Variants in SEC14L2 observed in about 807,000 individuals in gnomAD.
SEC14L2 encodes the protein SEC14-like protein 2.
SEC14L2 carries 50 observed loss-of-function variants against 56.9 expected under a neutral mutation model. That is an observed-to-expected ratio of 0.88 (90% confidence interval 0.70 to 1.11). SEC14L2 has a LOEUF of 1.11. Ranked by LOEUF, SEC14L2 falls within the 50% of genes most tolerant of loss-of-function variation. The probability of loss-of-function intolerance (pLI) is 0.00; values close to 1 mark genes in which losing one functional copy is unlikely to be tolerated. For synonymous variants in SEC14L2, 179 were observed against 188.5 expected, an observed-to-expected ratio of 0.95 and a Z score of 0.41; for missense variants, 414 against 500.7, an observed-to-expected ratio of 0.83 and a Z score of 1.65.
intron 5 of SEC14L2, 104 bp downstream of exon 5, chr22:30,407,707 C>A: frequency 1.0e-6 from 1 of 979,000 alleles, no homozygotes; most frequent in Non-Finnish European, 1.4e-6. Flanking sequence ...AGGGCCAAGG[C>A]CCAGCCTTTT....
Position 30,424,897 on chromosome 22 carries a change from G to A in SEC14L2, c.*2490G>A. On this transcript the variant is annotated 3_prime_UTR_variant, in exon 12 of 12. Coordinates refer to ENST00000615189, the MANE Select transcript of SEC14L2 (RefSeq NM_012429.5). ...TCTCCCTTGCCCGATTCATTCATTCGTTAATTAATTCATCCAACATCCTGT... is the reference window on the plus strand; with the variant it reads ...TCTCCCTTGCCCGATTCATTCATTCATTAATTAATTCATCCAACATCCTGT... 4.5e-6 allele frequency: 2 copies of A among 447,182 alleles called. No individual in the cohort carries two copies. The highest frequency in any genetic ancestry group is 1.6e-5 in the South Asian group (1 of 63,684). The allele number at this position is 447,182 out of a possible 1,614,324, so 27.7% of individuals were successfully genotyped here.
intron 1 of SEC14L2, among the ~76,000 whole-genome samples, chr22:30,398,337 G>A (rs954817207): frequency 6.6e-6 from 1 of 152,212 alleles, no homozygotes; most frequent in African/African-American, 2.4e-5. Flanking sequence ...TGCACTGGGA[G>A]CTGCTTTGTG....
intron 11 of SEC14L2, among the ~76,000 whole-genome samples, chr22:30,418,342 T>C (rs1182531161): frequency 6.6e-6 from 1 of 152,150 alleles, no homozygotes; most frequent in Non-Finnish European, 1.5e-5. Flanking sequence ...ATCCAGAACC[T>C]CTTGGCCATT....
chr22:30,421,590 G>A (rs780733470), intron 11 of SEC14L2: 5 of 152,186 alleles, frequency 3.3e-5, no homozygotes, highest in African/African-American at 4.8e-5. Flanking sequence ...AAATAGGGAT[G>A]CAACGAGCAT....
intron 1 of SEC14L2, chr22:30,398,533 G>C (rs1933824632): frequency 5.3e-6 from 2 of 375,576 alleles, no homozygotes; most frequent in African/African-American, 4.2e-5. Flanking sequence ...TTGGAGGTAG[G>C]TGTGGCTGTC....
At chr22:30,422,236 A>C (rs1934538717) in intron 11 of SEC14L2, 41 bp from the exon 12 acceptor site, 1 of 1,611,668 alleles carries the variant, frequency 6.2e-7, no homozygotes, top group East Asian at 2.2e-5. Flanking sequence ...GCCCTTTGCC[A>C]GAACTGCCTG....
At chr22:30,400,966 TTCACGTTGGCCAGGCTGGTC>T (rs1419519075) in intron 2 of SEC14L2, among the ~76,000 whole-genome samples, 6 of 148,212 alleles carry the variant, frequency 4.0e-5, no homozygotes, top group Non-Finnish European at 6.0e-5. Flanking sequence ...AGACCTAGGT[TTCACGTTGGCCAGGCTGGTC>T]TCGAACTCCT....
rs1934116404 is a variant in SEC14L2 at position 30,407,109 on chromosome 22, A to C, written c.189A>C (p.Arg63=). 3 of 1,613,958 alleles carry C rather than the reference A, an allele frequency of 1.9e-6. No homozygotes were observed. Among genetic ancestry groups the C allele is most frequent in the African/African-American group, 2.7e-5 (2 of 75,048 alleles). The change falls in exon 4 of 12, where the codon CGA becomes CGC. Residue 63 remains arginine (R), a synonymous_variant. Transcript: ENST00000615189. ...TATCTTTGTAGCATGTGGAGTTCCG[A>C]AAGCAAAAGGACATTGACAACATCA... ...EAMLRKHVEF[R]KQKDIDNIIS... is the part of the protein sequence containing the mutation.
chr22:30,407,713 C>CTTTT, intron 5 of SEC14L2, 110 bp downstream of exon 5: 8 of 610,376 alleles, frequency 1.3e-5, no homozygotes, highest in Non-Finnish European at 1.9e-5. Flanking sequence ...AAGGCCCAGC[C>CTTTT]TTTTTTTTTT....
At chr22:30,417,559 A>G (rs1346837582) in intron 11 of SEC14L2, among the ~76,000 whole-genome samples, 1 of 66,386 alleles carries the variant, frequency 1.5e-5, no homozygotes, top group Non-Finnish European at 3.0e-5. Flanking sequence ...CCGGACTGCT[A>G]CACTGGGGTA....
At chr22:30,421,190 CACAT>C (rs368262479) in intron 11 of SEC14L2, 10 of 141,418 alleles carry the variant, frequency 7.1e-5, no homozygotes, top group Admixed American at 1.4e-4. Context: ...CACACACACA[CACAT>C]ATTCACAGGA....
rs1156710199 is a variant in SEC14L2, at chr22:30,414,585, C to T, written c.665-1174C>T. ...GGGTCTCCAGCCAGCATGACACTGG[C>T]TTGTACCCCAGGGCCTGGAGCTGCT... On this transcript the variant is annotated intron_variant, in intron 8 of 11. Transcript: ENST00000615189. Among the ~76,000 whole-genome samples the T allele has an allele frequency of 3.3e-5, 5 of 152,296 alleles. No homozygotes were observed. The East Asian group carries it at 9.6e-4, about 29-fold the overall frequency.
At position 30,415,817 on chromosome 22, in the gene SEC14L2, T is replaced by C. The variant is rs759054919; in HGVS notation, c.723T>C (p.Tyr241=). ...HISPDQVPVE[Y]GGTMTDPDGN... is the part of the protein sequence containing the mutation. ...GCCCTGACCAGGTGCCTGTGGAGTA[T>C]GGGGGCACCATGACTGACCCTGATG... is the stretch of plus-strand genomic sequence containing the variant. Residue 241 remains tyrosine, a synonymous_variant, in exon 9 of 12, where the codon TAT becomes TAC. Coordinates refer to ENST00000615189, the MANE Select transcript of SEC14L2 (RefSeq NM_012429.5). 7 of 1,614,100 alleles carry C rather than the reference T, an allele frequency of 4.3e-6. No individual in the cohort carries two copies. The highest frequency in any genetic ancestry group is 4.5e-5 in the East Asian group (2 of 44,884).
chr22:30,422,349 T>C lies in SEC14L2; in HGVS notation c.1154T>C (p.Leu385Pro). The change falls in exon 12 of 12, where the codon CTT (leucine) becomes CCT (proline). Residue 385 changes from leucine (L) to proline (P), a missense_variant. By Grantham distance (98) the Leu-to-Pro change is moderately conservative (BLOSUM62 -3). Coordinates refer to ENST00000615189, the MANE Select transcript of SEC14L2 (RefSeq NM_012429.5). ...KKVNFTVEVL[L>P]PDKASEEKMK... ...GTCAATTTCACTGTGGAGGTCCTGC[T>C]TCCAGACAAAGCCTCAGAAGAGAAG... 1 of 1,614,208 alleles carries C rather than the reference T, an allele frequency of 6.2e-7. No individual in the cohort carries two copies. The highest frequency in any genetic ancestry group is 8.5e-7 in the Non-Finnish European group (1 of 1,180,032).
intron 7 of SEC14L2, 119 bp from the exon 8 acceptor site, chr22:30,410,477 C>A: frequency 1.1e-6 from 1 of 935,610 alleles, no homozygotes; most frequent in Non-Finnish European, 1.7e-6. Flanking sequence ...GGCTCCAGAG[C>A]CCTGGGGAAC....
intron 1 of SEC14L2, 27 bp downstream of exon 1, chr22:30,397,197 C>T (rs566130739): frequency 2.7e-6 from 4 of 1,498,616 alleles, no homozygotes; most frequent in East Asian, 5.4e-5. Context: ...GCCCGGGCTC[C>T]CGCCTCGGGC....
chr22:30,398,802 G>C (rs1389468240), intron 1 of SEC14L2: 1 of 470,500 alleles, frequency 2.1e-6, no homozygotes, highest in African/African-American at 2.0e-5. Context: ...GTGTGCTCTG[G>C]ACTCAGACAG....
intron 4 of SEC14L2, 55 bp from the exon 5 acceptor site, chr22:30,407,360 C>A: frequency 6.3e-7 from 1 of 1,580,974 alleles, no homozygotes; most frequent in South Asian, 1.1e-5. Flanking sequence ...GCCCTGTGGT[C>A]CAGGCAAGGT....
chr22:30,406,454 C>A, intron 3 of SEC14L2, 69 bp downstream of exon 3: 1 of 1,489,170 alleles, frequency 6.7e-7, no homozygotes, highest in Non-Finnish European at 9.3e-7. Context: ...ACTTCTTTTG[C>A]CGCACCTCCC....
Sources: gnomAD v4.1 joint callset for allele counts (sites outside exome capture counted in the v4.1 genomes callset) on GRCh38, gnomAD v4.1.1 for gene constraint, MANE v1.5 for transcripts, NCBI Gene and HGNC (gene_info 2026-07-23, HGNC 2026-07-21) for gene names.